Variants in INPP4B observed in about 807,000 individuals in gnomAD.
INPP4B encodes the protein inositol polyphosphate 4-phosphatase type II.
In INPP4B, 55 loss-of-function variants were observed where a neutral mutation model predicts 122.5. The observed-to-expected ratio is 0.45, with a 90% CI of 0.36 to 0.56. The LOEUF (loss-of-function observed/expected upper bound fraction) is 0.56, where lower values mean the gene tolerates loss of function less well. INPP4B is among the 20% of genes least tolerant of loss of function. INPP4B has a pLI of 0.00. For synonymous variants in INPP4B, 403 were observed against 388.7 expected (o/e 1.04, Z -0.43); for missense variants, 1,000 against 1,097.7 (o/e 0.91, Z 1.26).
intron 14 of INPP4B, among the ~76,000 whole-genome samples, chr4:142,197,126 CAA>C (rs376793889): frequency 4.3e-4 from 29 of 67,236 alleles, no homozygotes; most frequent in East Asian, 1.3e-3. Context: ...AACTCCGTCT[CAA>C]AAAAAAAAAA....
At chr4:142,757,184 C>T (rs929758391) in intron 1 of INPP4B, among the ~76,000 whole-genome samples, 5 of 152,070 alleles carry the variant, frequency 3.3e-5, no homozygotes, top group African/African-American at 9.7e-5. Context: ...ATACCCCTTC[C>T]TCTACAACAC....
chr4:142,389,614 A>T (rs958136744), intron 7 of INPP4B, among the ~76,000 whole-genome samples: 2 of 152,166 alleles, frequency 1.3e-5, no homozygotes, highest in Non-Finnish European at 2.9e-5. Context: ...CTTACTTTGG[A>T]GCCTTAGAGT....
intron 1 of INPP4B, among the ~76,000 whole-genome samples, chr4:142,820,523 C>G (rs917908289): frequency 9.2e-5 from 14 of 152,218 alleles, no homozygotes; most frequent in Admixed American, 4.6e-4. Context: ...GCCAAATAAA[C>G]CTCTTTTATT....
At chr4:142,167,762 GAATT>G (rs1322418407) in intron 16 of INPP4B, among the ~76,000 whole-genome samples, 1 of 151,500 alleles carries the variant, frequency 6.6e-6, no homozygotes, top group African/African-American at 2.4e-5. Context: ...AAACATGTTT[GAATT>G]AATAAAAAAA....
At chr4:142,535,389 C>T (rs1335580578) in intron 2 of INPP4B, among the ~76,000 whole-genome samples, 1 of 152,168 alleles carries the variant, frequency 6.6e-6, no homozygotes, top group Non-Finnish European at 1.5e-5. Context: ...GTACTTTGGG[C>T]AATTCACTAC....
chr4:142,062,484 G>GCAGCA (rs1322929969), intron 25 of INPP4B, among the ~76,000 whole-genome samples: 2 of 152,156 alleles, frequency 1.3e-5, no homozygotes, highest in Non-Finnish European at 2.9e-5. Flanking sequence ...TGTAATCCCA[G>GCAGCA]CAGCACTTTG....
intron 12 of INPP4B, among the ~76,000 whole-genome samples, chr4:142,221,268 C>A (rs1053261718): frequency 1.8e-4 from 28 of 151,456 alleles, no homozygotes; most frequent in Admixed American, 1.3e-4. Flanking sequence ...GGCTTGGTGG[C>A]AGGCACCTGT....
intron 2 of INPP4B, among the ~76,000 whole-genome samples, chr4:142,723,338 T>C (rs1764930048): frequency 6.6e-6 from 1 of 152,128 alleles, no homozygotes; most frequent in African/African-American, 2.4e-5. Flanking sequence ...TTTGATCTAT[T>C]TCCAGGACAT....
intron 18 of INPP4B, among the ~76,000 whole-genome samples, chr4:142,130,258 T>C (rs181166198): frequency 1.1e-4 from 16 of 152,288 alleles, no homozygotes; most frequent in Admixed American, 5.2e-4. Flanking sequence ...TGTTTGGTTT[T>C]GTAATGACAA....
chr4:142,160,439 C>T lies in INPP4B; in HGVS notation c.1482G>A (p.Glu494=). 6.2e-7 allele frequency: 1 copy of T among 1,610,710 alleles called. No individual in the cohort carries two copies. Among genetic ancestry groups the T allele is most frequent in the Non-Finnish European group, 8.5e-7 (1 of 1,177,760 alleles). The change falls in exon 17 of 26, where the codon GAG becomes GAA. Residue 494 remains glutamate (E), a synonymous_variant. Transcript: ENST00000262992. ...CTGGGGGTTGGTCTTGGGGACTGCT[C>T]TCCTCTGTGCTGCTCTTAGGAGAGG... ...KPPSPKSSTE[E]SSPQDQPPVM... is the part of the protein sequence containing the mutation.
intron 25 of INPP4B, among the ~76,000 whole-genome samples, chr4:142,069,385 G>A (rs1765611934): frequency 6.6e-6 from 1 of 152,196 alleles, no homozygotes; most frequent in South Asian, 2.1e-4. Context: ...AAGCAGGAAA[G>A]ATCTAAAATC....
At chr4:142,644,740 T>TAAAAAA (rs55700762) in intron 2 of INPP4B, among the ~76,000 whole-genome samples, 10 of 71,066 alleles carry the variant, frequency 1.4e-4, no homozygotes, top group African/African-American at 4.0e-4. Flanking sequence ...CATCTCTACT[T>TAAAAAA]AAAAAAAAAA....
chr4:142,516,845 C>G (rs534097933), intron 2 of INPP4B, among the ~76,000 whole-genome samples: 2 of 152,076 alleles, frequency 1.3e-5, no homozygotes, highest in African/African-American at 4.8e-5. Flanking sequence ...TCAAATGACA[C>G]AGTCCACCCT....
intron 5 of INPP4B, chr4:142,427,298 T>C (rs1808315223): frequency 2.7e-6 from 1 of 365,248 alleles, no homozygotes; most frequent in Non-Finnish European, 4.8e-6. Context: ...ATTTTTTTAG[T>C]AAACTTGTGT....
chr4:142,026,182 G>T lies in INPP4B; in HGVS notation c.*2600C>A, dbSNP rs185207370. ...ATATAGATAGAATAGCATGACTGTG[G>T]CTGTGTTTGTTCAAGAGAGATTTAA... On this transcript the variant is annotated 3_prime_UTR_variant, in exon 26 of 26. Transcript: ENST00000262992. 19 of 152,200 alleles carry T rather than the reference G, an allele frequency of 1.2e-4. No homozygotes were observed. Among genetic ancestry groups the T allele is most frequent in the African/African-American group, 4.6e-4 (19 of 41,536 alleles). 9.4% of individuals were successfully genotyped at this position (152,200 alleles called of 1,614,324 possible).
chr4:142,347,403 G>C (rs2151765512), intron 7 of INPP4B: 1 of 319,122 alleles, frequency 3.1e-6, no homozygotes, highest in South Asian at 2.6e-5. Context: ...TGCTCTGAGG[G>C]AAAAGTGCAG....
chr4:142,694,550 T>C (rs1760751040), intron 2 of INPP4B, among the ~76,000 whole-genome samples: 1 of 152,168 alleles, frequency 6.6e-6, no homozygotes, highest in Admixed American at 6.5e-5. Context: ...TCAGATACTG[T>C]CTTTGCTACT....
chr4:142,693,483 T>TAAAAAA (rs554003993), intron 2 of INPP4B, among the ~76,000 whole-genome samples: 1 of 52,396 alleles, frequency 1.9e-5, no homozygotes, highest in Non-Finnish European at 3.3e-5. Flanking sequence ...TGCCTTTTTC[T>TAAAAAA]AAAAAAAAAA....
At chr4:142,571,912 G>T (rs1267992707) in intron 2 of INPP4B, among the ~76,000 whole-genome samples, 1 of 152,032 alleles carries the variant, frequency 6.6e-6, no homozygotes, top group Non-Finnish European at 1.5e-5. Context: ...GTAAATATTT[G>T]CAAATTAAAT....
Sources: allele counts gnomAD v4.1 joint callset (sites outside exome capture counted in the v4.1 genomes callset), GRCh38; gene constraint gnomAD v4.1.1; transcripts MANE v1.5; gene names NCBI Gene and HGNC (gene_info 2026-07-23, HGNC 2026-07-21).